The following CIITA variants were observed in gnomAD, a reference collection of about 807,000 sequenced individuals.
CIITA encodes MHC class II transactivator.
In CIITA, 72 loss-of-function variants were observed where a neutral mutation model predicts 115.1. The ratio of observed to expected loss-of-function variants is 0.63; its 90% CI spans 0.52 to 0.76. The LOEUF (loss-of-function observed/expected upper bound fraction) is 0.76, where lower values mean the gene tolerates loss of function less well. Among genes scored for constraint, CIITA ranks in the 30% least tolerant of loss-of-function variants. CIITA has a pLI of 0.00. For missense variants in CIITA, 1,617 were observed against 1,463.8 expected (o/e 1.10, Z -1.71); for synonymous variants, 763 against 635.6 (o/e 1.20, Z -3.02).
intron 1 of CIITA, 65 bp from the exon 2 acceptor site, chr16:10,895,217 A>T: frequency 1.3e-6 from 2 of 1,590,650 alleles, no homozygotes; most frequent in East Asian, 4.5e-5. Context: ...GAGTTGTTGT[A>T]GGTGTCAATT....
rs150888938 is a variant in CIITA at position 10,906,972 on chromosome 16, G to C, written c.1480G>C (p.Val494Leu). 1.2e-6 allele frequency: 2 copies of C among 1,612,332 alleles called. No individual in the cohort carries two copies. The highest frequency in any genetic ancestry group is 1.7e-6 in the Non-Finnish European group (2 of 1,179,910). The change falls in exon 11 of 20, where the codon GTT becomes CTT. Residue 494 changes from valine to leucine, a missense_variant. Transcript: ENST00000324288. ...FSHILKRPDR[V>L]LLILDGFEEL... ...CCACATCTTGAAGAGACCTGACCGC[G>C]TTCTGCTCATCCTAGACGGCTTCGA...
At chr16:10,866,662 G>T in intron 1 of CIITA, 2 of 392,370 alleles carry the variant, frequency 5.1e-6, no homozygotes, top group South Asian at 4.0e-5. Context: ...AAGTCAATGG[G>T]AAGGCAGACT....
chr16:10,941,720 A>G lies in CIITA; in HGVS notation n.846A>G, dbSNP rs1482778902. 1 of 1,605,432 alleles carries G rather than the reference A, an allele frequency of 6.2e-7. No homozygotes were observed. The highest frequency in any genetic ancestry group is 8.5e-7 in the Non-Finnish European group (1 of 1,175,980). On this transcript the variant is annotated non_coding_transcript_exon_variant, in exon 2 of 2. Coordinates refer to the CIITA transcript ENST00000573379. This position sits in a 1 kb window ranked among gnomAD's most constrained non-coding sequence, Gnocchi z 6.4. The stretch of plus-strand genomic sequence containing the variant: ...AGAGGGGAACAGCAGTCGAGACCCT[A>G]CTCCAAGTACGCATCAAAGACGTCG...
chr16:10,919,899 T>C (rs931025621), intron 16 of CIITA, among the ~76,000 whole-genome samples: 1 of 152,218 alleles, frequency 6.6e-6, no homozygotes, highest in Non-Finnish European at 1.5e-5. Flanking sequence ...CAGTGATTCA[T>C]GCTGGGAAGG....
In CIITA at chr16:10,903,623, C is replaced by T. The variant is rs567530925; in HGVS notation, c.773-108C>T. On this transcript the variant is annotated intron_variant, in intron 8 of 19. Transcript: ENST00000324288. ...TCCTTTGGAAGTTCTACTCTCTTCT[C>T]TCCAGACTTCCTGAGCTCCACAGCC... 3,165 of 1,202,476 alleles carry T rather than the reference C, an allele frequency of 2.6e-3. 17 individuals are homozygous for T. Among genetic ancestry groups the T allele is most frequent in the Non-Finnish European group, 3.4e-3 (2,772 of 807,822 alleles). The allele number at this position is 1,202,476 out of a possible 1,614,324, so 74.5% of individuals were successfully genotyped here.
At position 10,907,294 on chromosome 16, in the gene CIITA, G is replaced by A. The variant is rs753947354; in HGVS notation, c.1802G>A (p.Arg601Gln). 2.2e-5 allele frequency: 35 copies of A among 1,613,356 alleles called. No individual in the cohort carries two copies. The highest frequency in any genetic ancestry group is 5.0e-5 in the Admixed American group (3 of 59,982). Reference sequence around the variant, plus strand: ...AGAGCCCTGACGCTCCTCCGGGACCGGCCACTTCTTCTCAGTCACAGCCAC... The same window carrying A: ...AGAGCCCTGACGCTCCTCCGGGACCAGCCACTTCTTCTCAGTCACAGCCAC... Reference protein sequence around the residue: ...QDRALTLLRDRPLLLSHSHSP... With the variant: ...QDRALTLLRDQPLLLSHSHSP... Residue 601 changes from arginine to glutamine, a missense_variant, in exon 11 of 20, where the codon CGG becomes CAG. By Grantham distance (43) the Arg-to-Gln change is conservative. Transcript: ENST00000324288. The surrounding 1 kb of genome is among the most constrained non-coding windows in gnomAD (Gnocchi z 5.0).
intron 1 of CIITA, among the ~76,000 whole-genome samples, chr16:10,889,904 C>G (rs1429413318): frequency 6.6e-6 from 1 of 152,232 alleles, no homozygotes; most frequent in Non-Finnish European, 1.5e-5. Context: ...TCCTAAACCA[C>G]ATGACCTTGG....
intron 12 of CIITA, 72 bp from the exon 13 acceptor site, chr16:10,910,116 A>G (rs1327220385): frequency 7.5e-7 from 1 of 1,338,986 alleles, no homozygotes; most frequent in Admixed American, 1.7e-5. Context: ...TGGGGCAGCC[A>G]TCATGGGACC....
intron 14 of CIITA, 151 bp downstream of exon 14, chr16:10,915,801 A>G: frequency 1.3e-6 from 1 of 762,278 alleles, no homozygotes; most frequent in Non-Finnish European, 2.3e-6. Flanking sequence ...TACAGTGCCC[A>G]GCAACCTCTG....
chr16:10,892,455 C>G (rs2037695192), intron 1 of CIITA, among the ~76,000 whole-genome samples: 1 of 152,200 alleles, frequency 6.6e-6, no homozygotes, highest in African/African-American at 2.4e-5. Flanking sequence ...TCCCTCTGGT[C>G]TTCCAGCTTC....
intron 1 of CIITA, among the ~76,000 whole-genome samples, chr16:10,881,864 A>G (rs1262096395): frequency 6.6e-6 from 1 of 152,090 alleles, no homozygotes; most frequent in Non-Finnish European, 1.5e-5. Flanking sequence ...GGTAACTCCA[A>G]CTTCCTGTCT....
chr16:10,885,749 G>A (rs148489768), intron 1 of CIITA, among the ~76,000 whole-genome samples: 19 of 152,306 alleles, frequency 1.2e-4, no homozygotes, highest in Admixed American at 4.6e-4. Flanking sequence ...GGGGTGGCAA[G>A]AGCAGAGGTT....
At chr16:10,940,376 C>G (rs533319858), downstream of CIITA, 1 of 152,374 alleles carries the variant, frequency 6.6e-6, no homozygotes, top group African/African-American at 2.4e-5. This position sits in a 1 kb window ranked among gnomAD's most constrained non-coding sequence, Gnocchi z 4.2. Context: ...TGAACTAAGA[C>G]ACCCTCTGCC....
rs562489489 is a variant in CIITA, at chr16:10,927,316, G to T, written c.*3461G>T. The T allele has an allele frequency of 6.6e-6, 1 of 152,308 alleles. No individual in the cohort carries two copies. Among genetic ancestry groups the T allele is most frequent in the Non-Finnish European group, 1.5e-5 (1 of 68,046 alleles). The allele number at this position is 152,308 out of a possible 1,614,324, so 9.4% of individuals were successfully genotyped here. On this transcript the variant is annotated 3_prime_UTR_variant, in exon 20 of 20. Transcript: ENST00000324288. Reference sequence around the variant, plus strand: ...TCTTTTTCACTTATTTATGCAGTCTGCTCTTGTCCTAGGACATGAGCTCCA... The same window carrying T: ...TCTTTTTCACTTATTTATGCAGTCTTCTCTTGTCCTAGGACATGAGCTCCA...
chr16:10,941,486 G>T lies in CIITA; in HGVS notation n.612G>T. On this transcript the variant is annotated non_coding_transcript_exon_variant, in exon 2 of 2. Transcript: ENST00000573379. The surrounding 1 kb of genome is among the most constrained non-coding windows in gnomAD (Gnocchi z 6.4). The stretch of plus-strand genomic sequence containing the variant: ...GAACGGAGGAGAAGCCTGAGGGAGG[G>T]GTGTGTATCCGGCCTGGGAATTCCT... The T allele has an allele frequency of 7.7e-7, 1 of 1,297,754 alleles. No individual in the cohort carries two copies. Among genetic ancestry groups the T allele is most frequent in the Non-Finnish European group, 1.0e-6 (1 of 1,001,244 alleles). The allele number at this position is 1,297,754 out of a possible 1,614,324, so 80.4% of individuals were successfully genotyped here.
Position 10,877,281 on chromosome 16 carries a change from G to C in CIITA, c.-50G>C, listed in dbSNP as rs1003851622. The C allele has an allele frequency of 3.8e-6, 6 of 1,586,598 alleles. No individual in the cohort carries two copies. The highest frequency in any genetic ancestry group is 5.2e-6 in the Non-Finnish European group (6 of 1,160,726). On this transcript the variant is annotated 5_prime_UTR_variant, in exon 1 of 20. Coordinates refer to ENST00000324288, the MANE Select transcript of CIITA (RefSeq NM_000246.4). Reference sequence around the variant, plus strand: ...TCCTTGGGGAAGCTGAGGGCACGAGGAGGGGCTGCCAGACTCCGGGAGCTG... The same window carrying C: ...TCCTTGGGGAAGCTGAGGGCACGAGCAGGGGCTGCCAGACTCCGGGAGCTG...
At chr16:10,868,085 T>C (rs2035219867) in intron 1 of CIITA, among the ~76,000 whole-genome samples, 1 of 152,112 alleles carries the variant, frequency 6.6e-6, no homozygotes, top group African/African-American at 2.4e-5. Flanking sequence ...CTAAAGACGG[T>C]GTTTGTTCCA....
In CIITA at chr16:10,915,684, C is replaced by T. The variant is rs79216789; in HGVS notation, c.2969+34C>T. The stretch of plus-strand genomic sequence containing the variant: ...AGACTCTGGGACCCCTTCCTCTCAA[C>T]ATCTGGGTGCAGTGCTGTGATCATA... On this transcript the variant is annotated intron_variant, in intron 14 of 19. Coordinates refer to ENST00000324288, the MANE Select transcript of CIITA (RefSeq NM_000246.4). 5.3e-3 allele frequency: 8,207 copies of T among 1,559,636 alleles called. 24 individuals are homozygous for T. Among genetic ancestry groups the T allele is most frequent in the Non-Finnish European group, 6.5e-3 (7,397 of 1,131,152 alleles).
Position 10,907,528 on chromosome 16 carries a change from A to T in CIITA, c.2036A>T (p.Gln679Leu). The T allele has an allele frequency of 2.5e-6, 4 of 1,614,136 alleles. No individual in the cohort carries two copies. The highest frequency in any genetic ancestry group is 3.4e-6 in the Non-Finnish European group (4 of 1,180,018). The change falls in exon 11 of 20, where the codon CAG becomes CTG. Residue 679 changes from glutamine (Q) to leucine (L), a missense_variant. Transcript: ENST00000324288. This position sits in a 1 kb window ranked among gnomAD's most constrained non-coding sequence, Gnocchi z 5.0. ...RRHQSTLQEDQFPSADVRTWA... is the reference protein window; with the variant it reads ...RRHQSTLQEDLFPSADVRTWA... ...CATCAAAGTACCCTACAGGAGGACC[A>T]GTTCCCATCCGCAGACGTGAGGACC... is the stretch of plus-strand genomic sequence containing the variant.
Sources: gnomAD v4.1 joint callset for allele counts (sites outside exome capture counted in the v4.1 genomes callset) on GRCh38, gnomAD v4.1.1 for gene constraint, Gnocchi (gnomAD v3.1) non-coding constraint, MANE v1.5 for transcripts, NCBI Gene and HGNC (gene_info 2026-07-23, HGNC 2026-07-21) for gene names.